The following NME6 variants were observed in gnomAD, a reference collection of about 807,000 sequenced individuals.
NME6 encodes nucleoside diphosphate kinase 6, mitochondrial.
NME6 carries 16 observed loss-of-function variants against 22.2 expected under a neutral mutation model. The ratio of observed to expected loss-of-function variants is 0.72; its 90% CI spans 0.49 to 1.09. The LOEUF is 1.09. Ranked by LOEUF, NME6 falls within the 50% of genes least tolerant of loss-of-function variation. NME6 has a pLI of 0.00. For missense variants in NME6, 229 were observed against 239.0 expected (o/e 0.96, Z 0.28); for synonymous variants, 58 against 85.2 (o/e 0.68, Z 1.76).
At chr3:48,298,961 C>T (rs2107001129) in intron 1 of NME6, 1 of 703,000 alleles carries the variant, frequency 1.4e-6, no homozygotes, top group South Asian at 1.5e-5. Context: ...ATAGTGCTCT[C>T]CTATCAAATC....
chr3:48,295,092 T>C lies in NME6; in HGVS notation c.377A>G (p.Asn126Ser), dbSNP rs754711255. Reference protein sequence around the residue: ...RGSFGLTDTRNTTHGSDSVVS... With the variant: ...RGSFGLTDTRSTTHGSDSVVS... ...GGACTCACCCGAACCATGGGTGGTG[T>C]TGCGGGTGTCAGTGAGGCCGAAACT... The change falls in exon 5 of 6, where the codon AAC becomes AGC. Residue 126 changes from asparagine to serine, a missense_variant. By Grantham distance (46) the Asn-to-Ser change is conservative. Transcript: ENST00000442597. The C allele has an allele frequency of 1.2e-6, 2 of 1,613,920 alleles. No individual in the cohort carries two copies.
downstream of NME6, chr3:48,292,220 G>A (rs193218092): frequency 2.6e-5 from 4 of 152,364 alleles, no homozygotes; most frequent in East Asian, 3.9e-4. Context: ...TACTATTGGA[G>A]TGTCATTGCT....
At chr3:48,296,639 G>C in intron 3 of NME6, 88 bp downstream of exon 3, 1 of 904,722 alleles carries the variant, frequency 1.1e-6, no homozygotes, top group Non-Finnish European at 1.7e-6. Context: ...TGGTAGGTCA[G>C]AGAGCCTGCC....
chr3:48,296,339 G>T, intron 3 of NME6, 181 bp from the exon 4 acceptor site: 1 of 800,606 alleles, frequency 1.2e-6, no homozygotes, highest in Non-Finnish European at 2.1e-6. Flanking sequence ...GCGTAGTTTT[G>T]GGTAAATCAT....
chr3:48,289,068 A>ACT (rs1389623714), downstream of NME6, among the ~76,000 whole-genome samples: 2 of 136,762 alleles, frequency 1.5e-5, no homozygotes, highest in African/African-American at 5.3e-5. Flanking sequence ...ATTTAAAAAT[A>ACT]ATTTTTTTTT....
chr3:48,295,129 A>T lies in NME6; in HGVS notation c.340T>A (p.Ser114Thr), dbSNP rs1236438749. ...GTGAGGCCGAAACTCCCACGGATAG[A>T]ATCTGGGGCCACATGGCGTGCTCGG... ...VFRARHVAPD[S>T]IRGSFGLTDT... The change falls in exon 5 of 6, where the codon TCT becomes ACT. Residue 114 changes from serine to threonine, a missense_variant. Physicochemically the swap from Ser to Thr is moderately conservative, Grantham distance 58. Transcript: ENST00000442597. The T allele has an allele frequency of 2.5e-6, 4 of 1,614,134 alleles. No homozygotes were observed. In the African/African-American group the frequency reaches 5.3e-5, roughly 22 times the overall value.
At chr3:48,298,847 C>T (rs2035404995) in intron 1 of NME6, 2 of 648,978 alleles carry the variant, frequency 3.1e-6, no homozygotes, top group South Asian at 3.4e-5. Context: ...CCCTTCCTAA[C>T]TTCCTTTTGT....
At chr3:48,298,352 C>CGGTG in intron 2 of NME6, 75 bp downstream of exon 2, 1 of 1,287,504 alleles carries the variant, frequency 7.8e-7, no homozygotes, top group Non-Finnish European at 1.1e-6. Context: ...TGTCAGTCAC[C>CGGTG]ATAAATGGCC....
downstream of NME6, chr3:48,291,309 T>A: frequency 2.2e-6 from 1 of 464,676 alleles, no homozygotes; most frequent in South Asian, 1.6e-5. Context: ...TCTTTAAGCC[T>A]GTGATATCAG....
At chr3:48,296,679 G>T in intron 3 of NME6, 48 bp downstream of exon 3, 1 of 1,315,460 alleles carries the variant, frequency 7.6e-7, no homozygotes. Flanking sequence ...CTCTCTTATG[G>T]CCTCTTGGGA....
intron 2 of NME6, chr3:48,297,454 C>G (rs1449842647): frequency 6.5e-6 from 1 of 153,012 alleles, no homozygotes; most frequent in Non-Finnish European, 1.5e-5. Context: ...GGCCCCCACT[C>G]CTGACTGCTT....
chr3:48,299,979 C>T (rs1488061659), intron 1 of NME6, among the ~76,000 whole-genome samples: 1 of 152,144 alleles, frequency 6.6e-6, no homozygotes, highest in Non-Finnish European at 1.5e-5. Context: ...TGGCAATTTT[C>T]CCTACCTAAT....
chr3:48,292,450 C>G lies in NME6; in HGVS notation c.*2187G>C, dbSNP rs537646747. On this transcript the variant is annotated 3_prime_UTR_variant, in exon 6 of 6. Coordinates refer to ENST00000442597, the MANE Select transcript of NME6 (RefSeq NM_001308426.2). Reference sequence around the variant, plus strand: ...GGTGTCTTAATTGTCAGATTTTGTACGCTTTGACCACCATTTAAATTTTTT... The same window carrying G: ...GGTGTCTTAATTGTCAGATTTTGTAGGCTTTGACCACCATTTAAATTTTTT... The G allele has an allele frequency of 6.6e-6, 1 of 152,116 alleles. No homozygotes were observed. Among genetic ancestry groups the G allele is most frequent in the Non-Finnish European group, 1.5e-5 (1 of 68,014 alleles). 9.4% of individuals were successfully genotyped at this position (152,116 alleles called of 1,614,324 possible).
At chr3:48,301,232 C>A in intron 1 of NME6, 121 bp downstream of exon 1, 2 of 1,537,812 alleles carry the variant, frequency 1.3e-6, no homozygotes, top group East Asian at 2.4e-5. Context: ...TCGACCCAGC[C>A]CCCTACTTCT....
intron 2 of NME6, chr3:48,298,163 T>C: frequency 2.1e-6 from 1 of 481,026 alleles, no homozygotes; most frequent in Non-Finnish European, 3.8e-6. Flanking sequence ...TGGAGTAATG[T>C]GTTATGTAGC....
rs1046435984 is a variant in NME6 at position 48,293,506 on chromosome 3, G to A, written c.*1131C>T. ...ATATATTCCTGAAAATGAACAGACT[G>A]TCTAGTGCCCCAGACCCCTGCTATG... On this transcript the variant is annotated 3_prime_UTR_variant, in exon 6 of 6. Transcript: ENST00000442597. 6.6e-6 allele frequency: 1 copy of A among 152,218 alleles called. No individual in the cohort carries two copies. The highest frequency in any genetic ancestry group is 2.4e-5 in the African/African-American group (1 of 41,464). The allele number at this position is 152,218 out of a possible 1,614,324, so 9.4% of individuals were successfully genotyped here. A position where few individuals can be genotyped will look rare whatever the true frequency, so the allele number is the denominator to read the frequency against.
rs776235357 is a variant in NME6 at position 48,293,133 on chromosome 3, C to A, written c.*1504G>T. On this transcript the variant is annotated 3_prime_UTR_variant, in exon 6 of 6. Transcript: ENST00000442597. Reference sequence around the variant, plus strand: ...TTGAAAGTTCTACTCAGCTTCTTAGCTGCCTCTTCCAGAATCAGCAGGTGC... The same window carrying A: ...TTGAAAGTTCTACTCAGCTTCTTAGATGCCTCTTCCAGAATCAGCAGGTGC... 5.3e-5 allele frequency: 8 copies of A among 152,224 alleles called. No homozygotes were observed. Among genetic ancestry groups the A allele is most frequent in the Non-Finnish European group, 1.2e-4 (8 of 68,042 alleles). The allele number at this position is 152,224 out of a possible 1,614,324, so 9.4% of individuals were successfully genotyped here. A position where few individuals can be genotyped will look rare whatever the true frequency, so the allele number is the denominator to read the frequency against.
chr3:48,298,401 G>C (rs753893815), intron 2 of NME6, 26 bp downstream of exon 2: 1 of 1,594,270 alleles, frequency 6.3e-7, no homozygotes, highest in African/African-American at 1.3e-5. Flanking sequence ...CAGGGCATGC[G>C]GTAGAGACTT....
In NME6 at chr3:48,292,755, G is replaced by GGTCA. The variant is rs1178043878; in HGVS notation, c.*1878_*1881dup. On this transcript the variant is annotated 3_prime_UTR_variant, in exon 6 of 6. Transcript: ENST00000442597. Reference sequence around the variant, plus strand: ...AGTAGAGACGGGATTTCTCCATGTTGGTCAGGCTGGTCTGGAACTCCCAAC... The same window carrying GGTCA: ...AGTAGAGACGGGATTTCTCCATGTTGGTCAGTCAGGCTGGTCTGGAACTCCCAAC... 1 of 152,124 alleles carries GGTCA rather than the reference G, an allele frequency of 6.6e-6. No individual in the cohort carries two copies. The highest frequency in any genetic ancestry group is 1.5e-5 in the Non-Finnish European group (1 of 68,066). 9.4% of individuals were successfully genotyped at this position (152,124 alleles called of 1,614,324 possible). A position where few individuals can be genotyped will look rare whatever the true frequency, so the allele number is the denominator to read the frequency against.
Sources: allele counts gnomAD v4.1 joint callset (sites outside exome capture counted in the v4.1 genomes callset), GRCh38; gene constraint gnomAD v4.1.1; transcripts MANE v1.5; gene names NCBI Gene and HGNC (gene_info 2026-07-23, HGNC 2026-07-21).